AP3B1: variants seen among roughly 807,000 people sequenced by gnomAD.
The protein encoded by AP3B1 is adaptor related protein complex 3 subunit beta 1, also known as AP-3 complex subunit beta-1.
Under a neutral mutation model 132.5 loss-of-function variants are expected in AP3B1, and 61 were observed. The observed-to-expected ratio is 0.46, with a 90% confidence interval of 0.37 to 0.57. The LOEUF is 0.57. AP3B1 is among the 20% of genes least tolerant of loss of function. AP3B1 has a pLI of 0.00. For missense variants in AP3B1, 1,120 were observed against 1,289.4 expected, an observed-to-expected ratio of 0.87 and a Z score of 2.01; for synonymous variants, 388 against 438.3, an observed-to-expected ratio of 0.89 and a Z score of 1.43.
At chr5:78,198,553 T>A (rs1437067978) in intron 7 of AP3B1, among the ~76,000 whole-genome samples, 1 of 152,136 alleles carries the variant, frequency 6.6e-6, no homozygotes. Flanking sequence ...TGACTTCCTC[T>A]AAACTTCATT....
At chr5:78,130,894 T>A (rs1187710587) in intron 15 of AP3B1, among the ~76,000 whole-genome samples, 1 of 152,008 alleles carries the variant, frequency 6.6e-6, no homozygotes, top group Non-Finnish European at 1.5e-5. Flanking sequence ...GAATGATACA[T>A]TTGGCTTATA....
At chr5:78,257,573 A>G (rs1187355685) in intron 2 of AP3B1, among the ~76,000 whole-genome samples, 4 of 152,228 alleles carry the variant, frequency 2.6e-5, no homozygotes, top group Non-Finnish European at 5.9e-5. Flanking sequence ...AAGGCTCAAT[A>G]TTGTTAAAAT....
At chr5:78,053,523 T>C (rs1748670253) in intron 22 of AP3B1, among the ~76,000 whole-genome samples, 1 of 151,476 alleles carries the variant, frequency 6.6e-6, no homozygotes, top group South Asian at 2.1e-4. Context: ...CTACTAAAAA[T>C]ACAAAAATTA....
At chr5:78,006,997 A>G (rs1365178983) in intron 26 of AP3B1, among the ~76,000 whole-genome samples, 1 of 152,244 alleles carries the variant, frequency 6.6e-6, no homozygotes, top group Non-Finnish European at 1.5e-5. Flanking sequence ...AACTATAGTC[A>G]TAATTATAAA....
chr5:78,256,788 G>A (rs1580552866), intron 2 of AP3B1, among the ~76,000 whole-genome samples: 1 of 152,038 alleles, frequency 6.6e-6, no homozygotes. Flanking sequence ...CTAGAAAGCT[G>A]AGTTCAACAA....
intron 7 of AP3B1, among the ~76,000 whole-genome samples, chr5:78,200,785 T>G (rs1471465069): frequency 1.3e-5 from 2 of 152,100 alleles, no homozygotes; most frequent in African/African-American, 4.8e-5. Context: ...TTGGTGAGGA[T>G]GTGGAGCAAA....
At chr5:78,163,664 C>CAT (rs1233506594) in intron 12 of AP3B1, among the ~76,000 whole-genome samples, 135 of 146,460 alleles carry the variant, frequency 9.2e-4, no homozygotes, top group East Asian at 3.2e-3. Flanking sequence ...CACACACACA[C>CAT]ATATATATAT....
intron 22 of AP3B1, among the ~76,000 whole-genome samples, chr5:78,051,972 C>T (rs1465941030): frequency 6.6e-6 from 1 of 151,266 alleles, no homozygotes; most frequent in African/African-American, 2.5e-5. Context: ...ACCTTCAATC[C>T]ATTTCATTGA....
chr5:78,272,944 C>T (rs1299230817), intron 1 of AP3B1, among the ~76,000 whole-genome samples: 1 of 148,182 alleles, frequency 6.7e-6, no homozygotes, highest in Non-Finnish European at 1.5e-5. Flanking sequence ...ACTTCCATAT[C>T]TGTCCATGAC....
At position 78,015,554 on chromosome 5, in the gene AP3B1, A is replaced by G. The variant is rs1399728213; in HGVS notation, c.2993-6T>C. On this transcript the variant is annotated splice_region_variant and splice_polypyrimidine_tract_variant and intron_variant, in intron 25 of 26. Coordinates refer to ENST00000255194, the MANE Select transcript of AP3B1 (RefSeq NM_003664.5). ...ATTCATTCCTGTTAGCACTCCTGTA[A>G]AAGCAAAAGAAGGCTCCCTTTTATT... is the stretch of plus-strand genomic sequence containing the variant. The G allele has an allele frequency of 6.2e-7, 1 of 1,613,324 alleles. No homozygotes were observed. The highest frequency in any genetic ancestry group is 1.3e-5 in the African/African-American group (1 of 75,026).
At chr5:78,186,773 G>A (rs903401167) in intron 7 of AP3B1, among the ~76,000 whole-genome samples, 4 of 152,102 alleles carry the variant, frequency 2.6e-5, no homozygotes, top group African/African-American at 9.7e-5. Context: ...TATCTAAAAT[G>A]TTTTAGGTTA....
At chr5:78,244,220 C>G (rs1200260697) in intron 2 of AP3B1, among the ~76,000 whole-genome samples, 2 of 152,064 alleles carry the variant, frequency 1.3e-5, no homozygotes, top group African/African-American at 4.8e-5. Context: ...ATGCTGAAAC[C>G]CTGTCTCTAC....
At chr5:78,048,388 G>A (rs970253007) in intron 22 of AP3B1, among the ~76,000 whole-genome samples, 1 of 152,102 alleles carries the variant, frequency 6.6e-6, no homozygotes, top group Non-Finnish European at 1.5e-5. Context: ...AGCCCAACAT[G>A]CCCTACTATT....
chr5:78,108,340 A>G (rs1452193728), intron 20 of AP3B1, among the ~76,000 whole-genome samples: 1 of 152,220 alleles, frequency 6.6e-6, no homozygotes. Flanking sequence ...AATTATAGTC[A>G]CCTATTATTA....
At chr5:78,108,154 A>G (rs996994851) in intron 20 of AP3B1, among the ~76,000 whole-genome samples, 5 of 152,206 alleles carry the variant, frequency 3.3e-5, no homozygotes, top group Non-Finnish European at 7.3e-5. Context: ...TGGATGAAAA[A>G]AAAGAAAAGA....
At chr5:78,244,121 G>A (rs1747269326) in intron 2 of AP3B1, among the ~76,000 whole-genome samples, 2 of 152,116 alleles carry the variant, frequency 1.3e-5, no homozygotes, top group Admixed American at 6.6e-5. Context: ...CATGAATTAA[G>A]AAGAACTACT....
intron 22 of AP3B1, among the ~76,000 whole-genome samples, chr5:78,056,658 A>G (rs975678063): frequency 6.6e-6 from 1 of 152,140 alleles, no homozygotes; most frequent in Admixed American, 6.5e-5. Flanking sequence ...TGTTCTCTAA[A>G]AGGTTTCTAA....
intron 22 of AP3B1, among the ~76,000 whole-genome samples, chr5:78,077,557 A>G (rs1749814627): frequency 1.3e-5 from 2 of 152,316 alleles, no homozygotes; most frequent in Admixed American, 1.3e-4. Context: ...CGTCACCAAC[A>G]TACTTCTCAA....
chr5:78,047,358 C>T (rs1323832770), intron 22 of AP3B1, among the ~76,000 whole-genome samples: 8 of 152,166 alleles, frequency 5.3e-5, no homozygotes. Flanking sequence ...TCCTCTCCAG[C>T]ATCTGTTGTT....
Sources: allele counts gnomAD v4.1 joint callset (sites outside exome capture counted in the v4.1 genomes callset), GRCh38; gene constraint gnomAD v4.1.1; transcripts MANE v1.5; gene names NCBI Gene and HGNC (gene_info 2026-07-23, HGNC 2026-07-21).